SND1: variants seen among roughly 807,000 people sequenced by gnomAD.
SND1 encodes the protein staphylococcal nuclease and tudor domain containing 1, also known as staphylococcal nuclease domain-containing protein 1.
SND1 carries 38 observed loss-of-function variants against 121.7 expected under a neutral mutation model. The ratio of observed to expected loss-of-function variants is 0.31; its 90% CI spans 0.24 to 0.41. The LOEUF (loss-of-function observed/expected upper bound fraction) is 0.41, where lower values mean the gene tolerates loss of function less well. SND1 is among the 10% of genes least tolerant of loss of function. The pLI, the probability that SND1 is intolerant of heterozygous loss-of-function variation, is 1.00. For synonymous variants in SND1, 401 were observed against 447.4 expected, an observed-to-expected ratio of 0.90 and a Z score of 1.31; for missense variants, 868 against 1,184.6, an observed-to-expected ratio of 0.73 and a Z score of 3.92.
intron 8 of SND1, among the ~76,000 whole-genome samples, chr7:127,706,840 A>G (rs963669552): frequency 3.3e-5 from 5 of 152,114 alleles, no homozygotes; most frequent in Admixed American, 1.3e-4. Context: ...TGTTTTTCTC[A>G]TTTTAGTGCT....
At chr7:127,685,345 G>T (rs575931274) in intron 1 of SND1, among the ~76,000 whole-genome samples, 1 of 152,160 alleles carries the variant, frequency 6.6e-6, no homozygotes, top group Admixed American at 6.5e-5. Flanking sequence ...AGAACTCCAT[G>T]GTCTTGTCTA....
chr7:127,980,827 G>T (rs1802241709), intron 15 of SND1, among the ~76,000 whole-genome samples: 1 of 152,166 alleles, frequency 6.6e-6, no homozygotes, highest in Non-Finnish European at 1.5e-5. Context: ...ATCCATAGGG[G>T]TATTTCCTGT....
intron 10 of SND1, among the ~76,000 whole-genome samples, chr7:127,774,828 C>A (rs1797585476): frequency 6.6e-6 from 1 of 152,240 alleles, no homozygotes; most frequent in Non-Finnish European, 1.5e-5. Flanking sequence ...ATCTGCCCAC[C>A]TCGGCCTCCC....
At chr7:128,023,783 TTGTG>T (rs1803412303) in intron 16 of SND1, among the ~76,000 whole-genome samples, 1 of 152,174 alleles carries the variant, frequency 6.6e-6, no homozygotes, top group Non-Finnish European at 1.5e-5. Context: ...ATCTGTGTGT[TTGTG>T]TGTATTGTCA....
intron 1 of SND1, among the ~76,000 whole-genome samples, chr7:127,670,228 A>C (rs959899706): frequency 6.6e-6 from 1 of 152,102 alleles, no homozygotes; most frequent in African/African-American, 2.4e-5. Flanking sequence ...ATCTCAGATT[A>C]TCTGCCTGCC....
intron 12 of SND1, among the ~76,000 whole-genome samples, chr7:127,861,952 T>G (rs1799387967): frequency 6.6e-6 from 1 of 152,254 alleles, no homozygotes. Flanking sequence ...TTAACACATT[T>G]GTTGAAGACT....
chr7:128,074,730 G>T, intron 17 of SND1, 40 bp downstream of exon 17: 6 of 1,548,960 alleles, frequency 3.9e-6, no homozygotes, highest in Non-Finnish European at 5.3e-6. Context: ...CTGCCCTCCC[G>T]TCCTCCTCAC....
At position 128,032,227 on chromosome 7, in the gene SND1, G is replaced by GCCGGCCGGCGCCGCGCAGCCCCGCGCCT. The variant is rs1792641726; in HGVS notation, c.1779+41179_1779+41206dup. On this transcript the variant is annotated intron_variant, in intron 16 of 23. Coordinates refer to ENST00000354725, the MANE Select transcript of SND1 (RefSeq NM_014390.4). ...TAACGCCGGCGCCTTCCAGCGCCGC[G>GCCGGCCGGCGCCGCGCAGCCCCGCGCCT]CCGGCCGGCGCCGCGCAGCCCCGCG... The GCCGGCCGGCGCCGCGCAGCCCCGCGCCT allele has an allele frequency of 2.7e-5, 4 of 149,166 alleles. No homozygotes were observed. In the South Asian group the frequency reaches 6.3e-4, roughly 24 times the overall value. The allele number at this position is 149,166 out of a possible 1,614,324, so 9.2% of individuals were successfully genotyped here.
chr7:127,787,185 T>C (rs1797827972), intron 10 of SND1, among the ~76,000 whole-genome samples: 1 of 152,204 alleles, frequency 6.6e-6, no homozygotes. Context: ...ACACCTTTTC[T>C]TCTGTCTTTT....
intron 16 of SND1, among the ~76,000 whole-genome samples, chr7:128,064,128 C>T (rs1395766704): frequency 6.6e-6 from 1 of 152,180 alleles, no homozygotes; most frequent in Non-Finnish European, 1.5e-5. Flanking sequence ...CAGTTCACTT[C>T]CTCTTCACTG....
At chr7:128,024,199 C>G (rs1185081989) in intron 16 of SND1, among the ~76,000 whole-genome samples, 1 of 152,006 alleles carries the variant, frequency 6.6e-6, no homozygotes, top group Non-Finnish European at 1.5e-5. Context: ...CATTCTTCCC[C>G]TTGCATAGGA....
chr7:128,081,653 CTG>C (rs1793604689), intron 18 of SND1, 152 bp downstream of exon 18: 1 of 839,340 alleles, frequency 1.2e-6, no homozygotes, highest in Non-Finnish European at 1.9e-6. Context: ...CCCTGTCTCC[CTG>C]CCTTGTCCCA....
In SND1 at chr7:127,946,102, A is replaced by G. The variant is rs562892807; in HGVS notation, c.1669+16773A>G. Among the ~76,000 whole-genome samples, 25 of 152,310 alleles carry G rather than the reference A, an allele frequency of 1.6e-4. 1 individual carries two copies. In the South Asian group the frequency reaches 4.1e-3, roughly 25 times the overall value. On this transcript the variant is annotated intron_variant, in intron 15 of 23. Transcript: ENST00000354725. ...GGGATGATCAAAAGCAAAGCATAAGAATGGGACAGTGGCAGTGACCCTAAG... is the reference window on the plus strand; with the variant it reads ...GGGATGATCAAAAGCAAAGCATAAGGATGGGACAGTGGCAGTGACCCTAAG...
chr7:127,976,208 G>C (rs1802116740), intron 15 of SND1, among the ~76,000 whole-genome samples: 2 of 152,192 alleles, frequency 1.3e-5, no homozygotes, highest in South Asian at 4.1e-4. Flanking sequence ...TCCGTAATCA[G>C]TCCTCGCCAC....
At chr7:127,813,438 T>G (rs1452069441) in intron 11 of SND1, among the ~76,000 whole-genome samples, 1 of 32,088 alleles carries the variant, frequency 3.1e-5, no homozygotes, top group African/African-American at 2.1e-4. Flanking sequence ...AGTTTTTGGT[T>G]GTTTGTTGTT....
At chr7:127,734,369 T>A (rs982902887) in intron 10 of SND1, among the ~76,000 whole-genome samples, 1 of 152,096 alleles carries the variant, frequency 6.6e-6, no homozygotes, top group African/African-American at 2.4e-5. Context: ...GATGTTTAGG[T>A]GGGGCCTGCT....
intron 10 of SND1, among the ~76,000 whole-genome samples, chr7:127,765,217 G>T (rs1563005304): frequency 1.3e-5 from 2 of 152,188 alleles, no homozygotes; most frequent in Admixed American, 6.5e-5. Context: ...CCCTCAGTGA[G>T]CTCAGAGGTC....
chr7:128,001,035 G>A (rs1802814634), intron 16 of SND1, among the ~76,000 whole-genome samples: 1 of 152,194 alleles, frequency 6.6e-6, no homozygotes, highest in Non-Finnish European at 1.5e-5. Context: ...GACTTGAAGA[G>A]AACCTCCGTG....
chr7:127,907,215 G>T (rs975023422), intron 14 of SND1, among the ~76,000 whole-genome samples: 1 of 152,172 alleles, frequency 6.6e-6, no homozygotes, highest in Non-Finnish European at 1.5e-5. Flanking sequence ...TAATAGAGGA[G>T]TTTTGTCTTT....
Sources: allele counts gnomAD v4.1 joint callset (sites outside exome capture counted in the v4.1 genomes callset), GRCh38; gene constraint gnomAD v4.1.1; transcripts MANE v1.5; gene names NCBI Gene and HGNC (gene_info 2026-07-23, HGNC 2026-07-21).